TAF1: variants seen among roughly 807,000 people sequenced by gnomAD.
TAF1 encodes TATA-box binding protein associated factor 1.
TAF1 carries 2 observed loss-of-function variants against 138.5 expected under a neutral mutation model. The ratio of observed to expected loss-of-function variants is 0.01; its 90% CI spans 0.01 to 0.05. The LOEUF (loss-of-function observed/expected upper bound fraction) is 0.05, where lower values mean the gene tolerates loss of function less well. TAF1 is among the 10% of genes least tolerant of loss of function. The pLI is 1.00. For missense variants in TAF1, 709 were observed against 1,478.0 expected (o/e 0.48, Z 8.53); for synonymous variants, 437 against 503.2 (o/e 0.87, Z 1.76).
intron 3 of TAF1, among the ~76,000 whole-genome samples, chrX:71,374,591 C>T (rs2033337493): frequency 1.8e-5 from 2 of 110,931 alleles, no homozygotes; most frequent in Admixed American, 9.6e-5. Context: ...GTACTACAGG[C>T]GTGTGCCACC....
intron 32 of TAF1, among the ~76,000 whole-genome samples, chrX:71,440,680 A>T (rs2037367557): frequency 9.0e-6 from 1 of 111,239 alleles, no homozygotes; most frequent in Admixed American, 9.6e-5. Context: ...ACCATTTTAC[A>T]TTCCCACCAG....
chrX:71,451,499 T>A (rs914259250), intron 32 of TAF1, among the ~76,000 whole-genome samples: 2 of 109,681 alleles, frequency 1.8e-5, no homozygotes, highest in African/African-American at 6.6e-5. Flanking sequence ...TTTTTTTTTT[T>A]ATTGATCATT....
intron 13 of TAF1, among the ~76,000 whole-genome samples, chrX:71,519,370 G>C (rs2039885708): frequency 9.7e-6 from 1 of 102,893 alleles, no homozygotes; most frequent in Non-Finnish European, 2.0e-5. Flanking sequence ...CCTAAATGTA[G>C]AGTTTGGAAC....
At chrX:71,461,262 T>C (rs752671560) in intron 37 of TAF1, among the ~76,000 whole-genome samples, 1 of 111,697 alleles carries the variant, frequency 9.0e-6, no homozygotes, top group African/African-American at 3.2e-5. Context: ...ACAAAGTATG[T>C]TCCAGAGCAA....
chrX:71,518,326 C>A (rs767782723), intron 13 of TAF1, among the ~76,000 whole-genome samples: 2 of 110,994 alleles, frequency 1.8e-5, no homozygotes, highest in Non-Finnish European at 3.8e-5. Flanking sequence ...TGCCACCATG[C>A]CCAGCTAATT....
chrX:71,452,844 C>T (rs1023677335), intron 32 of TAF1, among the ~76,000 whole-genome samples: 11 of 112,390 alleles, frequency 9.8e-5, no homozygotes, highest in South Asian at 3.7e-4. Flanking sequence ...GGATCACTCG[C>T]GGTTAGGAGC....
At chrX:71,446,484 A>G (rs1473345055) in intron 32 of TAF1, among the ~76,000 whole-genome samples, 1 of 112,087 alleles carries the variant, frequency 8.9e-6, no homozygotes, top group Non-Finnish European at 1.9e-5. Context: ...AATTGTATAA[A>G]GTGAAAAGGA....
At chrX:71,411,028 C>A (rs1362453120) in intron 28 of TAF1, among the ~76,000 whole-genome samples, 1 of 98,610 alleles carries the variant, frequency 1.0e-5, no homozygotes, top group African/African-American at 3.8e-5. Flanking sequence ...GGTGATCTGC[C>A]CTCCTCAGCC....
intron 13 of TAF1, among the ~76,000 whole-genome samples, chrX:71,508,086 C>CTCTCTATATATATATATA (rs4040068): frequency 1.2e-4 from 11 of 92,193 alleles, no homozygotes; most frequent in Admixed American, 3.5e-4. Flanking sequence ...CTCTCTCTCT[C>CTCTCTATATATATATATA]TATATATATA....
At chrX:71,387,199 G>A (rs776376121) in intron 14 of TAF1, 62 bp from the exon 15 acceptor site, 25 of 1,129,875 alleles carry the variant, frequency 2.2e-5, no homozygotes, top group Non-Finnish European at 3.0e-5. Context: ...TTCTTTCTCA[G>A]CAGTTGACTG....
At chrX:71,480,641 G>A (rs924669382) in intron 13 of TAF1, among the ~76,000 whole-genome samples, 2 of 111,878 alleles carry the variant, frequency 1.8e-5, no homozygotes, top group Admixed American at 1.9e-4. Flanking sequence ...GTCCTTTCAT[G>A]GAGGTGGAGA....
Position 71,368,162 on chromosome X carries a change from G to A in TAF1, c.344G>A (p.Cys115Tyr). 8.3e-7 allele frequency: 1 copy of A among 1,210,472 alleles called. No homozygotes were observed. Among genetic ancestry groups the A allele is most frequent in the Non-Finnish European group, 1.1e-6 (1 of 894,397 alleles). ...ACGATGGGGAGCTTGCAGCCCCTTT[G>A]CCACTCAGGTGATTCTTTGGTGTAT... Reference protein sequence around the residue: ...QQTMGSLQPLCHSDYDEDDYD... With the variant: ...QQTMGSLQPLYHSDYDEDDYD... Residue 115 changes from cysteine (C) to tyrosine (Y), a missense_variant, in exon 3 of 38, where the codon TGC (cysteine) becomes TAC (tyrosine). Around this residue, in one of 14 missense-constraint regions of TAF1, gnomAD observed 123 missense variants for 161.6 expected, o/e 0.76. Coordinates refer to ENST00000423759, the MANE Select transcript of TAF1 (RefSeq NM_004606.5).
At chrX:71,483,301 T>C (rs925828954) in intron 13 of TAF1, among the ~76,000 whole-genome samples, 1 of 109,048 alleles carries the variant, frequency 9.2e-6, no homozygotes, top group Admixed American at 1.0e-4. Context: ...AAACCACTTT[T>C]CTTTGCTCAT....
intron 25 of TAF1, among the ~76,000 whole-genome samples, chrX:71,403,358 T>C (rs2035283440): frequency 8.9e-6 from 1 of 112,076 alleles, no homozygotes; most frequent in Admixed American, 9.6e-5. Flanking sequence ...CATTGAATTT[T>C]TTGAAGATTC....
chrX:71,432,267 A>G (rs1288066423), intron 32 of TAF1, among the ~76,000 whole-genome samples: 1 of 111,736 alleles, frequency 8.9e-6, no homozygotes, highest in Non-Finnish European at 1.9e-5. Flanking sequence ...AATTAAGGAT[A>G]TGAAATGCCT....
chrX:71,402,324 C>A (rs1290152527), intron 25 of TAF1, among the ~76,000 whole-genome samples: 3 of 112,114 alleles, frequency 2.7e-5, no homozygotes, highest in Non-Finnish European at 3.8e-5. Flanking sequence ...CCAGGCTGGA[C>A]TCAAAACTCC....
Position 71,497,194 on chromosome X carries a change from T to C in TAF1, c.1367-31348T>C, listed in dbSNP as rs759663096. 3.0e-4 allele frequency among the ~76,000 whole-genome samples: 33 copies of C among 111,382 alleles called. No individual in the cohort carries two copies. In the Middle Eastern group the frequency reaches 0.014, roughly 47 times the overall value. Reference sequence around the variant, plus strand: ...CCACAAATGAACTTCCATCGGTATATAGGTTAAGGTCAGGATTAGCTAAGG... The same window carrying C: ...CCACAAATGAACTTCCATCGGTATACAGGTTAAGGTCAGGATTAGCTAAGG... On this transcript the variant is annotated intron_variant and NMD_transcript_variant, in intron 13 of 14. Coordinates refer to the TAF1 transcript ENST00000373775.
chrX:71,503,294 A>G (rs6625795), intron 13 of TAF1, among the ~76,000 whole-genome samples: 63 of 85,039 alleles, frequency 7.4e-4, no homozygotes, highest in African/African-American at 1.5e-3. Context: ...ATATATATAT[A>G]TGTGTATATA....
chrX:71,395,085 A>G (rs73543066), intron 22 of TAF1, among the ~76,000 whole-genome samples: 1,334 of 111,835 alleles, frequency 0.012, 21 homozygotes, highest in African/African-American at 0.041. Flanking sequence ...AAAATTGTAG[A>G]AATTGAGGGT....
Sources: gnomAD v4.1 joint callset for allele counts (sites outside exome capture counted in the v4.1 genomes callset) on GRCh38, gnomAD v4.1.1 for gene constraint, gnomAD v4.1.1 regional missense constraint, MANE v1.5 for transcripts, NCBI Gene and HGNC (gene_info 2026-07-23, HGNC 2026-07-21) for gene names.